Variants in CECR2 observed in about 807,000 individuals in gnomAD.
CECR2 encodes chromatin remodeling regulator CECR2.
Under a neutral mutation model 154.5 loss-of-function variants are expected in CECR2, and 30 were observed. The observed-to-expected ratio is 0.19, with a 90% confidence interval of 0.15 to 0.26. The LOEUF (loss-of-function observed/expected upper bound fraction) is 0.26. Among genes scored for constraint, CECR2 ranks in the 10% least tolerant of loss-of-function variants. CECR2 has a pLI of 1.00. For missense variants in CECR2, 1,743 were observed against 1,829.3 expected (o/e 0.95, Z 0.86); for synonymous variants, 725 against 683.7 (o/e 1.06, Z -0.94).
At chr22:17,360,842 T>TCAAA (rs112098808) in intron 1 of CECR2, among the ~76,000 whole-genome samples, 40 of 150,062 alleles carry the variant, frequency 2.7e-4, no homozygotes, top group South Asian at 1.3e-3. Flanking sequence ...AGACCCTGTC[T>TCAAA]CAAACAAACA....
At chr22:17,409,156 C>T (rs529745644) in intron 1 of CECR2, among the ~76,000 whole-genome samples, 30 of 151,136 alleles carry the variant, frequency 2.0e-4, no homozygotes, top group Non-Finnish European at 3.8e-4. Context: ...GTTTTTGAGA[C>T]GGAGTCTCAC....
chr22:17,365,906 A>C (rs1238303725), upstream of CECR2, among the ~76,000 whole-genome samples: 1 of 152,126 alleles, frequency 6.6e-6, no homozygotes, highest in African/African-American at 2.4e-5. Flanking sequence ...TCCTCCAGGA[A>C]CCTATATAAA....
rs1462654822 is a variant in CECR2 at position 17,442,009 on chromosome 22, A to T, written c.127-35579A>T. Among the ~76,000 whole-genome samples, 4 of 152,282 alleles carry T rather than the reference A, an allele frequency of 2.6e-5. No homozygotes were observed. In the East Asian group the frequency reaches 7.7e-4, roughly 29 times the overall value. On this transcript the variant is annotated intron_variant, in intron 1 of 18. Transcript: ENST00000262608. ...CAGGAAGCGGGTGGCAGACCTGTTGACTTCATTTTCATTGACCATCTTCTA... is the reference window on the plus strand; with the variant it reads ...CAGGAAGCGGGTGGCAGACCTGTTGTCTTCATTTTCATTGACCATCTTCTA...
rs115537232 is a variant in CECR2 at position 17,488,883 on chromosome 22, C to G, written c.222-8520C>G. 2.1e-3 allele frequency among the ~76,000 whole-genome samples: 323 copies of G among 152,288 alleles called. 1 individual carries two copies. Among genetic ancestry groups the G allele is most frequent in the African/African-American group, 6.7e-3 (280 of 41,562 alleles). On this transcript the variant is annotated intron_variant, in intron 2 of 18. Coordinates refer to ENST00000262608, the MANE Select transcript of CECR2 (RefSeq NM_001290047.2). Reference sequence around the variant, plus strand: ...TGTGAAATTATTTTCCAAACACTTGCAACATTTACGTTTCCACCAGCAATA... The same window carrying G: ...TGTGAAATTATTTTCCAAACACTTGGAACATTTACGTTTCCACCAGCAATA...
At chr22:17,421,614 CAAAAAAAAA>C (rs34156323) in intron 1 of CECR2, among the ~76,000 whole-genome samples, 1,547 of 23,378 alleles carry the variant, frequency 0.066, 65 homozygotes, top group African/African-American at 0.24. Context: ...GACTCCGTCT[CAAAAAAAAA>C]AAAAAAAAAA....
chr22:17,406,933 C>G (rs2053993355), intron 1 of CECR2, among the ~76,000 whole-genome samples: 1 of 152,138 alleles, frequency 6.6e-6, no homozygotes, highest in Non-Finnish European at 1.5e-5. Flanking sequence ...ACCTAAAATC[C>G]TTCTTGAACA....
chr22:17,364,342 C>CAAAAAAAAAAAA (rs59134897), intron 1 of CECR2, among the ~76,000 whole-genome samples: 12 of 52,918 alleles, frequency 2.3e-4, no homozygotes, highest in South Asian at 8.7e-4. Context: ...GACTCTGTCT[C>CAAAAAAAAAAAA]AAAAAAAAAA....
chr22:17,445,791 C>G (rs1015627120), intron 1 of CECR2, among the ~76,000 whole-genome samples: 2 of 151,850 alleles, frequency 1.3e-5, no homozygotes, highest in Non-Finnish European at 2.9e-5. Context: ...TGGGGTTTTG[C>G]CATGTTGGCC....
At chr22:17,408,600 G>A (rs774390372) in intron 1 of CECR2, among the ~76,000 whole-genome samples, 2 of 152,126 alleles carry the variant, frequency 1.3e-5, no homozygotes, top group Admixed American at 6.5e-5. Flanking sequence ...ACCATTCCAG[G>A]TCCTGCATTA....
At chr22:17,517,323 T>C (rs174299) in intron 8 of CECR2, among the ~76,000 whole-genome samples, 83,543 of 152,128 alleles carry the variant, frequency 0.55, 23,577 homozygotes, top group African/African-American at 0.67. Flanking sequence ...TCCTGAGGCC[T>C]CCCAGTCATC....
chr22:17,473,136 T>C (rs548890347), intron 1 of CECR2, among the ~76,000 whole-genome samples: 2 of 152,256 alleles, frequency 1.3e-5, no homozygotes, highest in Admixed American at 1.3e-4. Context: ...AGGCGGCAAA[T>C]CCTGTTACTC....
At chr22:17,481,984 C>T (rs1043969119) in intron 2 of CECR2, among the ~76,000 whole-genome samples, 6 of 149,498 alleles carry the variant, frequency 4.0e-5, no homozygotes, top group Non-Finnish European at 7.4e-5. Flanking sequence ...GGCGTGGTGG[C>T]GGCACCTGTA....
chr22:17,527,537 C>T (rs1307874121), intron 9 of CECR2, among the ~76,000 whole-genome samples: 7 of 152,178 alleles, frequency 4.6e-5, no homozygotes, highest in African/African-American at 1.2e-4. Flanking sequence ...GAGGCCGAGG[C>T]GGGCAGATGA....
rs559217085 is a variant in CECR2, at chr22:17,552,119, C to G, written c.4366C>G (p.Pro1456Ala). 1 of 1,613,984 alleles carries G rather than the reference C, an allele frequency of 6.2e-7. No homozygotes were observed. The highest frequency in any genetic ancestry group is 1.3e-5 in the African/African-American group (1 of 75,046). ...ACAGGAGGAGGTGCCGCCTCATAAG[C>G]CTCCAACACTTCCCCTGGATCAGGT... ...TSQEEVPPHK[P>A]PTLPLDQS Residue 1456 changes from proline (P) to alanine (A), a missense_variant, in exon 18 of 19, where the codon CCT (proline) becomes GCT (alanine). Around this residue, in one of 4 missense-constraint regions of CECR2, gnomAD observed 1,250 missense variants for 1,192.1 expected, o/e 1.05. Coordinates refer to ENST00000262608, the MANE Select transcript of CECR2 (RefSeq NM_001290047.2).
intron 1 of CECR2, among the ~76,000 whole-genome samples, chr22:17,410,297 G>C (rs2054048323): frequency 6.6e-6 from 1 of 151,852 alleles, no homozygotes; most frequent in South Asian, 2.1e-4. Flanking sequence ...TATTTTTTTT[G>C]TTGTCACTGC....
At chr22:17,441,920 C>G (rs976937553) in intron 1 of CECR2, among the ~76,000 whole-genome samples, 12 of 152,338 alleles carry the variant, frequency 7.9e-5, no homozygotes, top group Admixed American at 7.8e-4. Context: ...ACACACCATA[C>G]TCTGTCTTAC....
At chr22:17,524,914 G>A (rs73389192) in intron 9 of CECR2, 60,850 of 394,590 alleles carry the variant, frequency 0.15, 5,362 homozygotes, top group East Asian at 0.43. Context: ...TGATCTTGCC[G>A]CCTCGGCCTC....
chr22:17,448,299 C>A (rs2054710027), intron 1 of CECR2, among the ~76,000 whole-genome samples: 1 of 152,120 alleles, frequency 6.6e-6, no homozygotes, highest in Non-Finnish European at 1.5e-5. Context: ...ACAATCAGGG[C>A]AGATTAGTTG....
intron 2 of CECR2, among the ~76,000 whole-genome samples, chr22:17,480,096 C>G (rs2055281011): frequency 6.6e-6 from 1 of 151,928 alleles, no homozygotes; most frequent in African/African-American, 2.4e-5. Context: ...ATACCGTATC[C>G]CTGTATCTGT....
Sources: gnomAD v4.1 joint callset for allele counts (sites outside exome capture counted in the v4.1 genomes callset) on GRCh38, gnomAD v4.1.1 for gene constraint, gnomAD v4.1.1 regional missense constraint, MANE v1.5 for transcripts, NCBI Gene and HGNC (gene_info 2026-07-23, HGNC 2026-07-21) for gene names.